The following ITGBL1 variants were observed in gnomAD, a reference collection of about 807,000 sequenced individuals.
ITGBL1 encodes integrin beta-like protein 1.
In ITGBL1, 51 loss-of-function variants were observed where a neutral mutation model predicts 68.5. The ratio of observed to expected loss-of-function variants is 0.74; its 90% CI spans 0.59 to 0.94. The LOEUF (loss-of-function observed/expected upper bound fraction) is 0.94. ITGBL1 is among the 40% of genes least tolerant of loss of function. The probability of loss-of-function intolerance (pLI) is 0.00; values close to 1 mark genes in which losing one functional copy is unlikely to be tolerated. For missense variants in ITGBL1, 649 were observed against 647.4 expected (o/e 1.00, Z -0.03); for synonymous variants, 209 against 227.3 (o/e 0.92, Z 0.72).
At chr13:101,623,217 A>G (rs2031654681) in intron 7 of ITGBL1, among the ~76,000 whole-genome samples, 1 of 152,044 alleles carries the variant, frequency 6.6e-6, no homozygotes, top group Admixed American at 6.6e-5. Flanking sequence ...TGATAATGCA[A>G]TCCGAGGTTT....
intron 7 of ITGBL1, among the ~76,000 whole-genome samples, chr13:101,628,324 G>T (rs763954369): frequency 6.6e-5 from 10 of 151,692 alleles, no homozygotes; most frequent in Non-Finnish European, 1.2e-4. Flanking sequence ...GGAGTTATTT[G>T]TATATTTTAA....
Position 101,579,872 on chromosome 13 carries a change from T to C in ITGBL1, c.727+445T>C, listed in dbSNP as rs1022157532. On this transcript the variant is annotated intron_variant, in intron 5 of 10. Coordinates refer to ENST00000376180, the MANE Select transcript of ITGBL1 (RefSeq NM_004791.3). ...GCTTGGTTGAAATGCAGATTTGATA[T>C]GGACTAATTTAACTTCCGTGTGCAA... Among the ~76,000 whole-genome samples the C allele has an allele frequency of 1.1e-4, 17 of 152,282 alleles. 1 individual carries two copies. The highest frequency in any genetic ancestry group is 1.1e-3 in the Admixed American group (17 of 15,288).
chr13:101,656,519 A>G (rs895991612), intron 7 of ITGBL1, among the ~76,000 whole-genome samples: 4 of 152,176 alleles, frequency 2.6e-5, no homozygotes, highest in African/African-American at 9.6e-5. Context: ...TCTGATGAGA[A>G]TTTATGGTTT....
chr13:101,577,670 C>T (rs565496513), intron 4 of ITGBL1, among the ~76,000 whole-genome samples: 7 of 152,120 alleles, frequency 4.6e-5, no homozygotes, highest in East Asian at 3.9e-4. Flanking sequence ...AAATAAATTC[C>T]GTAGTCTAAA....
intron 2 of ITGBL1, among the ~76,000 whole-genome samples, chr13:101,498,855 A>G (rs1195446234): frequency 2.6e-5 from 4 of 152,184 alleles, no homozygotes; most frequent in Admixed American, 2.6e-4. Context: ...ATGGACTCAC[A>G]GTTCCATGTG....
At chr13:101,468,473 T>C in intron 2 of ITGBL1, among the ~76,000 whole-genome samples, 1 of 152,182 alleles carries the variant, frequency 6.6e-6, no homozygotes, top group South Asian at 2.1e-4. Flanking sequence ...ACAATTATCC[T>C]CCAACTATTG....
chr13:101,634,666 G>A (rs1013924336), intron 7 of ITGBL1, among the ~76,000 whole-genome samples: 1 of 152,084 alleles, frequency 6.6e-6, no homozygotes, highest in African/African-American at 2.4e-5. Flanking sequence ...AGAGTGCCAG[G>A]TGTGTGTCAT....
At chr13:101,669,554 TTACTA>T (rs1417733405) in intron 7 of ITGBL1, among the ~76,000 whole-genome samples, 2 of 152,166 alleles carry the variant, frequency 1.3e-5, no homozygotes, top group African/African-American at 4.8e-5. Flanking sequence ...AAATTGAACA[TTACTA>T]TACTGATACA....
intron 2 of ITGBL1, among the ~76,000 whole-genome samples, chr13:101,523,216 G>C (rs187859379): frequency 6.6e-6 from 1 of 152,212 alleles, no homozygotes; most frequent in East Asian, 1.9e-4. Context: ...TCAATTTATT[G>C]CTGGACATGT....
At chr13:101,484,946 A>G (rs907271723) in intron 2 of ITGBL1, among the ~76,000 whole-genome samples, 2 of 152,158 alleles carry the variant, frequency 1.3e-5, no homozygotes, top group East Asian at 3.9e-4. Flanking sequence ...AAATTGCTCA[A>G]AACCGTTAAT....
chr13:101,720,234 C>G (rs562638554), downstream of ITGBL1: 18 of 152,154 alleles, frequency 1.2e-4, no homozygotes, highest in African/African-American at 4.1e-4. Flanking sequence ...TCTTCCCATG[C>G]TACAGGTGAG....
intron 7 of ITGBL1, among the ~76,000 whole-genome samples, chr13:101,610,157 A>G (rs865802548): frequency 8.5e-5 from 13 of 152,310 alleles, no homozygotes; most frequent in Non-Finnish European, 1.6e-4. Flanking sequence ...TACTAAAATT[A>G]TAGTGCAGAT....
At chr13:101,623,210 T>C (rs1185529397) in intron 7 of ITGBL1, among the ~76,000 whole-genome samples, 2 of 152,044 alleles carry the variant, frequency 1.3e-5, no homozygotes, top group Admixed American at 6.6e-5. Flanking sequence ...ATTAATATGA[T>C]AATGCAATCC....
chr13:101,652,233 A>G (rs2139455961), intron 7 of ITGBL1, among the ~76,000 whole-genome samples: 1 of 152,212 alleles, frequency 6.6e-6, no homozygotes, highest in Admixed American at 6.5e-5. Context: ...CCTCAAACTC[A>G]TGGACTCAAG....
intron 2 of ITGBL1, among the ~76,000 whole-genome samples, chr13:101,483,982 A>C (rs1364758118): frequency 1.3e-5 from 2 of 152,298 alleles, no homozygotes; most frequent in Admixed American, 1.3e-4. Context: ...ACAGTACTTC[A>C]AAGTTGAGGC....
chr13:101,555,963 C>G lies in ITGBL1; in HGVS notation c.317-11736C>G, dbSNP rs541102845. Among the ~76,000 whole-genome samples the G allele has an allele frequency of 2.0e-5, 3 of 152,216 alleles. No homozygotes were observed. The South Asian group carries it at 6.2e-4, about 32-fold the overall frequency. ...CTGCAAAAGTACTTCTTCATTTAAG[C>G]TTAGGGTTGTGATGGTCAAGACAGT... On this transcript the variant is annotated intron_variant, in intron 2 of 10. Transcript: ENST00000376180.
chr13:101,515,507 C>G (rs563193896), intron 2 of ITGBL1, among the ~76,000 whole-genome samples: 1 of 152,010 alleles, frequency 6.6e-6, no homozygotes, highest in African/African-American at 2.4e-5. Flanking sequence ...AGCCGAGAAC[C>G]ATTTGCAGTT....
rs556976139 is a variant in ITGBL1, at chr13:101,605,982, G to T, written c.1015+7683G>T. On this transcript the variant is annotated intron_variant, in intron 7 of 10. Transcript: ENST00000376180. ...TATACACATATATATGCATATATGT[G>T]TATATATATGTGTATATATACACAT... Among the ~76,000 whole-genome samples the T allele has an allele frequency of 2.8e-5, 4 of 143,924 alleles. No individual in the cohort carries two copies. The South Asian group carries it at 8.7e-4, about 31-fold the overall frequency. The allele number at this position is 143,924 out of a possible 152,430, so 94.4% of individuals were successfully genotyped here.
chr13:101,603,048 G>A (rs755912519), intron 7 of ITGBL1, among the ~76,000 whole-genome samples: 14 of 151,932 alleles, frequency 9.2e-5, no homozygotes, highest in Non-Finnish European at 1.5e-4. Flanking sequence ...ATTCCTGTGC[G>A]ACTTTTTGGG....
Sources: allele counts gnomAD v4.1 joint callset (sites outside exome capture counted in the v4.1 genomes callset), GRCh38; gene constraint gnomAD v4.1.1; transcripts MANE v1.5; gene names NCBI Gene and HGNC (gene_info 2026-07-23, HGNC 2026-07-21).